Variants in NPRL3 observed in about 807,000 individuals in gnomAD.
NPRL3 encodes the protein NPR3 like, GATOR1 complex subunit.
A neutral mutation model predicts 57.2 loss-of-function variants in NPRL3; 23 were observed. The observed-to-expected ratio is 0.40, with a 90% CI of 0.29 to 0.57. The LOEUF is 0.57. Ranked by LOEUF, NPRL3 falls within the 20% of genes least tolerant of loss-of-function variation. The pLI is 0.42. For missense variants in NPRL3, 691 were observed against 767.1 expected (o/e 0.90, Z 1.17); for synonymous variants, 333 against 321.1 (o/e 1.04, Z -0.39).
intron 12 of NPRL3, 188 bp from the exon 13 acceptor site, chr16:89,078 G>T: frequency 1.6e-6 from 1 of 609,318 alleles, no homozygotes; most frequent in Non-Finnish European, 2.9e-6. Flanking sequence ...CGGCTGACTT[G>T]GGAAACGGGT....
chr16:94,059 C>G (rs991055926), intron 9 of NPRL3, among the ~76,000 whole-genome samples: 2 of 114,180 alleles, frequency 1.8e-5, no homozygotes, highest in Non-Finnish European at 3.6e-5. Flanking sequence ...CCTCTTATAC[C>G]CCCTAAAACT....
intron 5 of NPRL3, among the ~76,000 whole-genome samples, chr16:114,939 C>G (rs1899965244): frequency 1.3e-5 from 2 of 150,136 alleles, no homozygotes; most frequent in Admixed American, 1.3e-4. Context: ...CTCTCTATTT[C>G]AGGGTTTAAA....
chr16:89,793 C>A lies in NPRL3; in HGVS notation c.1271G>T (p.Arg424Leu). 1 of 1,600,038 alleles carries A rather than the reference C, an allele frequency of 6.2e-7. No homozygotes were observed. Among genetic ancestry groups the A allele is most frequent in the Non-Finnish European group, 8.5e-7 (1 of 1,174,716 alleles). ...ASPSEEEPRPREDDVPFTARV... is the reference protein window; with the variant it reads ...ASPSEEEPRPLEDDVPFTARV... ...GGCAGTGAAGGGGACGTCGTCCTCT[C>A]GCGGACGGGGCTCCTCCTCGCTGGG... The change falls in exon 12 of 14, where the codon CGA becomes CTA. Residue 424 changes from arginine to leucine, a missense_variant. Coordinates refer to ENST00000611875, the MANE Select transcript of NPRL3 (RefSeq NM_001077350.3).
intron 9 of NPRL3, among the ~76,000 whole-genome samples, 180 bp from the exon 10 acceptor site, chr16:93,505 C>G (rs6600233): frequency 1.3e-5 from 2 of 151,788 alleles, no homozygotes; most frequent in Admixed American, 1.3e-4. Flanking sequence ...ATAGCACCTT[C>G]GCAACCTCTC....
In NPRL3 at chr16:109,353, C is replaced by T. The variant is rs543417431; in HGVS notation, c.629+1172G>A. Among the ~76,000 whole-genome samples, 95 of 152,200 alleles carry T rather than the reference C, an allele frequency of 6.2e-4. No individual in the cohort carries two copies. In the South Asian group the frequency reaches 0.017, roughly 28 times the overall value. Reference sequence around the variant, plus strand: ...TTCATGGTATCCTCAAGGCTTGCTGCCCTCACACAGTCAGTGTCGCAAACC... The same window carrying T: ...TTCATGGTATCCTCAAGGCTTGCTGTCCTCACACAGTCAGTGTCGCAAACC... On this transcript the variant is annotated intron_variant, in intron 7 of 13. Coordinates refer to ENST00000611875, the MANE Select transcript of NPRL3 (RefSeq NM_001077350.3).
In NPRL3 at chr16:128,870, C is replaced by T. The variant is rs118014476; in HGVS notation, c.188+1652G>A. Among the ~76,000 whole-genome samples the T allele has an allele frequency of 1.5e-3, 228 of 152,180 alleles. 4 individuals are homozygous for T. In the East Asian group the frequency reaches 0.027, roughly 18 times the overall value. On this transcript the variant is annotated intron_variant, in intron 3 of 13. Coordinates refer to ENST00000611875, the MANE Select transcript of NPRL3 (RefSeq NM_001077350.3). The stretch of plus-strand genomic sequence containing the variant: ...TATGACAAGGCAGAGCAGGGGCTTG[C>T]GGGCCTACGTGACAAAATAAACCAG...
intron 5 of NPRL3, among the ~76,000 whole-genome samples, chr16:113,757 G>A (rs1899917550): frequency 1.3e-5 from 2 of 152,188 alleles, no homozygotes; most frequent in African/African-American, 4.8e-5. Context: ...ATCTGAGAGG[G>A]AAGGCCATGC....
In NPRL3 at chr16:89,832, C is replaced by G; in HGVS notation, c.1232G>C (p.Cys411Ser). 6.3e-7 allele frequency: 1 copy of G among 1,582,718 alleles called. No individual in the cohort carries two copies. Among genetic ancestry groups the G allele is most frequent in the East Asian group, 2.3e-5 (1 of 42,896 alleles). ...RLLIQLHTYV[C>S]LMASPSEEEP... ...CTCCTCGCTGGGTGAGGCCATCAGG[C>G]AGACATAGGTGTGCAGCTGGATGAG... Residue 411 changes from cysteine (C) to serine (S), a missense_variant, in exon 12 of 14, where the codon TGC becomes TCC. Transcript: ENST00000611875.
At chr16:119,088 G>C (rs540247722) in intron 4 of NPRL3, 38 bp downstream of exon 4, 80 of 1,608,308 alleles carry the variant, frequency 5.0e-5, no homozygotes, top group Middle Eastern at 3.5e-4. Context: ...AGCCACATCT[G>C]CCCAGGGAGA....
chr16:131,266 T>G (rs922224336), intron 2 of NPRL3, among the ~76,000 whole-genome samples: 2 of 151,988 alleles, frequency 1.3e-5, no homozygotes, highest in Admixed American at 6.5e-5. Flanking sequence ...GATCACGAAA[T>G]CAGGAGATCA....
rs753354453 is a variant in NPRL3 at position 85,748 on chromosome 16, A to C, written c.*957T>G. On this transcript the variant is annotated 3_prime_UTR_variant, in exon 14 of 14. Coordinates refer to ENST00000611875, the MANE Select transcript of NPRL3 (RefSeq NM_001077350.3). The stretch of plus-strand genomic sequence containing the variant: ...CAGCCCCTGGGTCAGTGTGGTCGAC[A>C]GAGTGGCTGAGCAGGACACACAGGC... The C allele has an allele frequency of 6.6e-7, 1 of 1,513,334 alleles. No individual in the cohort carries two copies. The highest frequency in any genetic ancestry group is 1.3e-5 in the South Asian group (1 of 75,368). The allele number at this position is 1,513,334 out of a possible 1,614,324, so 93.7% of individuals were successfully genotyped here.
chr16:117,173 C>A, intron 5 of NPRL3, 128 bp downstream of exon 5: 1 of 625,916 alleles, frequency 1.6e-6, no homozygotes, highest in Non-Finnish European at 2.9e-6. Flanking sequence ...GTGCAGTCTG[C>A]CTGCACCCCA....
chr16:132,295 C>T (rs1900847112), intron 2 of NPRL3, among the ~76,000 whole-genome samples: 3 of 152,128 alleles, frequency 2.0e-5, no homozygotes, highest in Admixed American at 2.0e-4. Context: ...GCGTGAGTCA[C>T]CACACTCAGC....
intron 3 of NPRL3, chr16:125,603 C>G (rs899165170): frequency 2.0e-5 from 3 of 152,212 alleles, no homozygotes; most frequent in African/African-American, 7.2e-5. Flanking sequence ...TAACAGAAAA[C>G]AGTGGAACTA....
intron 3 of NPRL3, chr16:127,299 G>A (rs905299692): frequency 6.6e-6 from 1 of 151,014 alleles, no homozygotes; most frequent in Non-Finnish European, 1.4e-5. Flanking sequence ...GCTCAGGCTG[G>A]AGTACAGCGG....
At chr16:119,279 T>C in intron 3 of NPRL3, 24 bp from the exon 4 acceptor site, 3 of 1,583,980 alleles carry the variant, frequency 1.9e-6, no homozygotes, top group Non-Finnish European at 2.6e-6. Context: ...AGAGGTAGAA[T>C]AAAAATAAGT....
intron 7 of NPRL3, among the ~76,000 whole-genome samples, chr16:101,756 C>G (rs1436104753): frequency 1.3e-5 from 2 of 152,236 alleles, no homozygotes; most frequent in Non-Finnish European, 2.9e-5. Flanking sequence ...TGCCCAGTCA[C>G]TCAGGTCCCG....
intron 2 of NPRL3, among the ~76,000 whole-genome samples, chr16:132,341 A>G (rs1900848744): frequency 6.6e-6 from 1 of 152,078 alleles, no homozygotes; most frequent in Non-Finnish European, 1.5e-5. Flanking sequence ...CATAACAATC[A>G]AGTCCTCATC....
intron 3 of NPRL3, among the ~76,000 whole-genome samples, chr16:123,077 A>G (rs991824820): frequency 2.0e-5 from 3 of 152,142 alleles, no homozygotes; most frequent in Admixed American, 6.5e-5. Flanking sequence ...CCCTTGGGAG[A>G]GGCCCCCACA....
Sources: allele counts gnomAD v4.1 joint callset (sites outside exome capture counted in the v4.1 genomes callset), GRCh38; gene constraint gnomAD v4.1.1; transcripts MANE v1.5; gene names NCBI Gene and HGNC (gene_info 2026-07-23, HGNC 2026-07-21).